RERG: variants seen among roughly 807,000 people sequenced by gnomAD.
RERG encodes the protein RAS like estrogen regulated growth inhibitor, also known as ras-related and estrogen-regulated growth inhibitor.
A neutral mutation model predicts 23.2 loss-of-function variants in RERG; 25 were observed. The ratio of observed to expected loss-of-function variants is 1.08; its 90% CI spans 0.79 to 1.50. The LOEUF (loss-of-function observed/expected upper bound fraction) is 1.50, where lower values mean the gene tolerates loss of function less well. RERG is among the 40% of genes most tolerant of loss of function. The pLI is 0.00. For synonymous variants in RERG, 81 were observed against 89.1 expected, an observed-to-expected ratio of 0.91 and a Z score of 0.51; for missense variants, 253 against 250.1, an observed-to-expected ratio of 1.01 and a Z score of -0.08.
intron 2 of RERG, among the ~76,000 whole-genome samples, chr12:15,215,516 A>T (rs929385306): frequency 6.6e-6 from 1 of 152,184 alleles, no homozygotes; most frequent in Non-Finnish European, 1.5e-5. Flanking sequence ...GAAGATCAGA[A>T]CTGGAAAATG....
chr12:15,192,211 G>A (rs1591664888), intron 2 of RERG, among the ~76,000 whole-genome samples: 1 of 152,128 alleles, frequency 6.6e-6, no homozygotes, highest in East Asian at 1.9e-4. Flanking sequence ...GCATTTCGCT[G>A]TCTCTCTTGC....
chr12:15,124,328 G>C (rs555048345), intron 2 of RERG, among the ~76,000 whole-genome samples: 26 of 152,036 alleles, frequency 1.7e-4, no homozygotes, highest in Admixed American at 7.8e-4. Flanking sequence ...TTTAGTTTCA[G>C]AATAATATTT....
intron 2 of RERG, among the ~76,000 whole-genome samples, chr12:15,185,574 C>T (rs1020028735): frequency 5.9e-5 from 9 of 151,980 alleles, no homozygotes; most frequent in Non-Finnish European, 1.3e-4. Context: ...AGCAACAGTA[C>T]GGTATTTTAA....
intron 2 of RERG, among the ~76,000 whole-genome samples, chr12:15,148,887 T>G (rs12827324): frequency 0.56 from 38,956 of 68,986 alleles, 10,166 homozygotes; most frequent in Admixed American, 0.66. Context: ...TTTTTTTTTT[T>G]AGACAGAGTC....
chr12:15,166,875 A>G (rs1303042832), intron 2 of RERG, among the ~76,000 whole-genome samples: 2 of 150,946 alleles, frequency 1.3e-5, no homozygotes, highest in African/African-American at 4.9e-5. Context: ...TTATACTTTA[A>G]GTTTTAGGGT....
intron 3 of RERG, among the ~76,000 whole-genome samples, chr12:15,116,259 T>C (rs985533313): frequency 4.6e-5 from 7 of 152,206 alleles, no homozygotes; most frequent in Non-Finnish European, 1.0e-4. Flanking sequence ...CCCTCTGCTG[T>C]TCTTTAGTGT....
intron 4 of RERG, chr12:15,111,026 C>G (rs1863604382): frequency 5.1e-6 from 1 of 196,316 alleles, no homozygotes; most frequent in Non-Finnish European, 1.0e-5. Flanking sequence ...TTCATTTGAG[C>G]ATTTCAAAAC....
chr12:15,108,291 G>GTGA lies in RERG; in HGVS notation c.*816_*818dup, dbSNP rs1317057389. ...TTTGGACTGTGGTTTTTCTGCTAAG[G>GTGA]TGATAAACAAATCAGATGTCTCTAA... On this transcript the variant is annotated 3_prime_UTR_variant, in exon 5 of 5. Transcript: ENST00000256953. The GTGA allele has an allele frequency of 3.3e-5, 5 of 152,098 alleles. No homozygotes were observed. The highest frequency in any genetic ancestry group is 1.2e-4 in the African/African-American group (5 of 41,422). 9.4% of individuals were successfully genotyped at this position (152,098 alleles called of 1,614,324 possible).
At chr12:15,124,618 T>G (rs997113952) in intron 2 of RERG, among the ~76,000 whole-genome samples, 6 of 152,022 alleles carry the variant, frequency 3.9e-5, no homozygotes. Context: ...CCTACACAGT[T>G]GTGATTGTTC....
intron 2 of RERG, among the ~76,000 whole-genome samples, chr12:15,144,364 G>T (rs1450610604): frequency 2.6e-5 from 4 of 152,144 alleles, no homozygotes; most frequent in Admixed American, 2.0e-4. Flanking sequence ...GCTATTTAAA[G>T]CCACAAGATT....
intron 2 of RERG, among the ~76,000 whole-genome samples, chr12:15,210,766 T>A (rs1266643542): frequency 6.6e-6 from 1 of 152,138 alleles, no homozygotes; most frequent in African/African-American, 2.4e-5. Flanking sequence ...AAAAAACAAA[T>A]TACAATGGAC....
chr12:15,131,269 A>G (rs1249324400), intron 2 of RERG, among the ~76,000 whole-genome samples: 2 of 152,192 alleles, frequency 1.3e-5, no homozygotes, highest in Non-Finnish European at 2.9e-5. Context: ...TTTTGTGTCC[A>G]AGATTTCAAA....
At chr12:15,174,947 C>G (rs939107449) in intron 2 of RERG, among the ~76,000 whole-genome samples, 1 of 152,080 alleles carries the variant, frequency 6.6e-6, no homozygotes. Flanking sequence ...TCTAATAACT[C>G]TAAGATTTGG....
intron 2 of RERG, among the ~76,000 whole-genome samples, chr12:15,194,585 A>C (rs1865117685): frequency 6.6e-6 from 1 of 151,768 alleles, no homozygotes; most frequent in South Asian, 2.1e-4. Context: ...ATCATCTCAG[A>C]TTCATACACT....
At chr12:15,199,622 T>C (rs1348319858) in intron 2 of RERG, among the ~76,000 whole-genome samples, 1 of 152,064 alleles carries the variant, frequency 6.6e-6, no homozygotes, top group Non-Finnish European at 1.5e-5. Context: ...CCATAGATGA[T>C]TTAGGTTCTG....
chr12:15,133,142 T>TGG (rs1448536214), intron 2 of RERG, among the ~76,000 whole-genome samples: 3 of 85,542 alleles, frequency 3.5e-5, no homozygotes, highest in East Asian at 5.3e-4. Flanking sequence ...GTATATCCTG[T>TGG]GGAGATATAT....
intron 4 of RERG, among the ~76,000 whole-genome samples, chr12:15,110,463 CTTTTTTTTTTTTTTTTTTT>C (rs869218147): frequency 1.4e-5 from 1 of 73,082 alleles, no homozygotes; most frequent in Non-Finnish European, 2.4e-5. Flanking sequence ...CCATTTTTTT[CTTTTTTTTTTTTTTTTTTT>C]TTTTTTTTTT....
intron 2 of RERG, among the ~76,000 whole-genome samples, chr12:15,148,601 A>G (rs1565519378): frequency 6.6e-6 from 1 of 152,196 alleles, no homozygotes; most frequent in Admixed American, 6.5e-5. Flanking sequence ...AGTTATGTGC[A>G]GTGACTTGTT....
In RERG at chr12:15,217,417, C is replaced by G; in HGVS notation, c.61+12G>C. 1 of 1,602,890 alleles carries G rather than the reference C, an allele frequency of 6.2e-7. No homozygotes were observed. ...CACACACACACTATAACAACCACAA[C>G]GAAAATCTTACCTGACTTGCCCACG... On this transcript the variant is annotated intron_variant, in intron 2 of 4. Transcript: ENST00000256953.
Sources: allele counts gnomAD v4.1 joint callset (sites outside exome capture counted in the v4.1 genomes callset), GRCh38; gene constraint gnomAD v4.1.1; transcripts MANE v1.5; gene names NCBI Gene and HGNC (gene_info 2026-07-23, HGNC 2026-07-21).